The following TUB variants were observed in gnomAD, a reference collection of about 807,000 sequenced individuals.
TUB encodes the protein tubby protein homolog.
In TUB, 33 loss-of-function variants were observed where a neutral mutation model predicts 59.7. The observed-to-expected ratio is 0.55, with a 90% CI of 0.42 to 0.74. The LOEUF is 0.74. Ranked by LOEUF, TUB falls within the 30% of genes least tolerant of loss-of-function variation. The probability of loss-of-function intolerance (pLI) is 0.00; values close to 1 mark genes in which losing one functional copy is unlikely to be tolerated. For synonymous variants in TUB, 293 were observed against 256.4 expected, an observed-to-expected ratio of 1.14 and a Z score of -1.36; for missense variants, 659 against 672.0, an observed-to-expected ratio of 0.98 and a Z score of 0.21.
chr11:8,105,852 A>C lies in TUB; in HGVS notation c.*4233A>C, dbSNP rs953465537. ...AGCTGGAGATGAGGCTGAGATCCAG[A>C]GTTTCCTAGAACGCAACTTAGGATG... is the stretch of plus-strand genomic sequence containing the variant. On this transcript the variant is annotated 3_prime_UTR_variant, in exon 12 of 12. Coordinates refer to ENST00000299506, the MANE Select transcript of TUB (RefSeq NM_177972.3). 4 of 152,092 alleles carry C rather than the reference A, an allele frequency of 2.6e-5. No individual in the cohort carries two copies. The South Asian group carries it at 8.3e-4, about 32-fold the overall frequency. 9.4% of individuals were successfully genotyped at this position (152,092 alleles called of 1,614,324 possible).
chr11:8,039,015 C>T (rs777250476), exon 1 of TUB: 1 of 1,613,282 alleles, frequency 6.2e-7, no homozygotes, highest in South Asian at 1.1e-5. Context: ...GAAACGGGGC[C>T]ACCGAAGAGA....
At chr11:8,023,241 G>C (rs1251867918) in intron 1 of TUB, among the ~76,000 whole-genome samples, 2 of 152,200 alleles carry the variant, frequency 1.3e-5, no homozygotes, top group African/African-American at 4.8e-5. Context: ...ACATCACTCT[G>C]CTGCCTTGTA....
intron 1 of TUB, among the ~76,000 whole-genome samples, chr11:8,088,174 TC>T (rs1943703548): frequency 6.6e-6 from 1 of 152,180 alleles, no homozygotes; most frequent in Non-Finnish European, 1.5e-5. Context: ...GGAAAGACCT[TC>T]CCAGATGTCA....
chr11:8,091,073 C>T (rs989141976), intron 3 of TUB, among the ~76,000 whole-genome samples: 1 of 152,124 alleles, frequency 6.6e-6, no homozygotes, highest in Non-Finnish European at 1.5e-5. Context: ...CGTGGTGCTC[C>T]CCTCCTTCTG....
rs776620451 is a variant in TUB, at chr11:8,019,361, AG to A, written c.56+6del. 8 of 1,258,484 alleles carry A rather than the reference AG, an allele frequency of 6.4e-6. No homozygotes were observed. In the South Asian group the frequency reaches 2.6e-4, roughly 41 times the overall value. 78.0% of individuals were successfully genotyped at this position (1,258,484 alleles called of 1,614,324 possible). Reference sequence around the variant, plus strand: ...TACAGCCGCTGGAGCTATGACAGGTAGGGCGCCCGAAGGGTGGCCCTGCGTG... The same window carrying A: ...TACAGCCGCTGGAGCTATGACAGGTAGGCGCCCGAAGGGTGGCCCTGCGTG... On this transcript the variant is annotated splice_donor_region_variant and intron_variant, in intron 1 of 11. Transcript: ENST00000534099.
At chr11:8,087,643 T>C (rs948894667) in intron 1 of TUB, among the ~76,000 whole-genome samples, 1 of 152,284 alleles carries the variant, frequency 6.6e-6, no homozygotes, top group Non-Finnish European at 1.5e-5. Context: ...AAAGTTGTGA[T>C]GTGTATGCAC....
At chr11:8,066,500 C>T (rs1325156171) in intron 2 of TUB, among the ~76,000 whole-genome samples, 2 of 152,204 alleles carry the variant, frequency 1.3e-5, no homozygotes, top group African/African-American at 2.4e-5. Context: ...AAGTGATGAA[C>T]CTCGTTCTCT....
Position 8,090,062 on chromosome 11 carries a change from T to C in TUB, c.91-7T>C, listed in dbSNP as rs539616172. 38 of 1,594,108 alleles carry C rather than the reference T, an allele frequency of 2.4e-5. No homozygotes were observed. In the African/African-American group the frequency reaches 4.6e-4, roughly 19 times the overall value. ...CAGTGGGTCAGCCAACCTCTGTGCC[T>C]CCATAGCGGGCCCTGCTGGAGCAGA... On this transcript the variant is annotated splice_region_variant and splice_polypyrimidine_tract_variant and intron_variant, in intron 2 of 11. Coordinates refer to ENST00000299506, the MANE Select transcript of TUB (RefSeq NM_177972.3).
At chr11:8,019,247 C>A in exon 1 of TUB, 2 of 1,237,046 alleles carry the variant, frequency 1.6e-6, no homozygotes, top group Non-Finnish European at 2.0e-6. Flanking sequence ...TGCGAGCCAG[C>A]CCCAAGCCCA....
intron 2 of TUB, among the ~76,000 whole-genome samples, chr11:8,050,650 T>C (rs1428462118): frequency 6.6e-6 from 1 of 152,238 alleles, no homozygotes; most frequent in Non-Finnish European, 1.5e-5. Context: ...ATTCATTTTT[T>C]TTAAAAAAGT....
intron 11 of TUB, 24 bp from the exon 12 acceptor site, chr11:8,101,460 CTG>C: frequency 9.7e-7 from 1 of 1,028,946 alleles, no homozygotes; most frequent in Non-Finnish European, 1.3e-6. Flanking sequence ...GTCCTTTTCT[CTG>C]TCTGTGCCTG....
intron 2 of TUB, among the ~76,000 whole-genome samples, chr11:8,041,602 T>C (rs1477717819): frequency 6.6e-6 from 1 of 152,192 alleles, no homozygotes; most frequent in Non-Finnish European, 1.5e-5. Context: ...TTAATCTTTG[T>C]GTACCTCGTA....
chr11:8,047,233 C>T (rs1049172215), intron 2 of TUB, among the ~76,000 whole-genome samples: 2 of 152,158 alleles, frequency 1.3e-5, no homozygotes, highest in Admixed American at 6.5e-5. Context: ...AGTGCTCTTC[C>T]CTGTCTTCAC....
intron 1 of TUB, chr11:8,019,447 C>G (rs1942385414): frequency 5.0e-6 from 6 of 1,200,840 alleles, no homozygotes; most frequent in Non-Finnish European, 5.2e-6. Context: ...CTAGGACTGG[C>G]GCGAGCGCCC....
At chr11:8,085,357 A>T (rs1389779006) in intron 1 of TUB, among the ~76,000 whole-genome samples, 1 of 152,190 alleles carries the variant, frequency 6.6e-6, no homozygotes, top group Non-Finnish European at 1.5e-5. Context: ...GTTTGAATGC[A>T]CCTGATACAT....
chr11:8,090,335 G>C (rs1943748710), intron 3 of TUB, 104 bp downstream of exon 3: 1 of 1,436,670 alleles, frequency 7.0e-7, no homozygotes, highest in Admixed American at 2.3e-5. Flanking sequence ...GGATGCCCAG[G>C]CTGTGTATGG....
chr11:8,039,413 T>C (rs1440472701), intron 1 of TUB: 2 of 465,458 alleles, frequency 4.3e-6, no homozygotes, highest in Non-Finnish European at 7.5e-6. Context: ...GCTCAGGTCA[T>C]CACTGCCCTC....
intron 1 of TUB, among the ~76,000 whole-genome samples, chr11:8,039,245 C>T (rs1368491605): frequency 6.6e-6 from 1 of 152,144 alleles, no homozygotes; most frequent in Admixed American, 6.5e-5. Flanking sequence ...CCAGGAGCTG[C>T]CCAGGACCTC....
chr11:8,086,790 C>T lies in TUB; in HGVS notation c.39-2820C>T, dbSNP rs544057548. ...TTCCTTCTGTGTGCTTGCACATGCC[C>T]GCTGGTGGGTGAGGTGGTAGGTGGC... On this transcript the variant is annotated intron_variant, in intron 1 of 11. Coordinates refer to ENST00000299506, the MANE Select transcript of TUB (RefSeq NM_177972.3). Among the ~76,000 whole-genome samples, 313 of 152,224 alleles carry T rather than the reference C, an allele frequency of 2.1e-3. 2 individuals are homozygous for T. The highest frequency in any genetic ancestry group is 2.4e-3 in the Non-Finnish European group (160 of 68,006).
Sources: allele counts gnomAD v4.1 joint callset (sites outside exome capture counted in the v4.1 genomes callset), GRCh38; gene constraint gnomAD v4.1.1; transcripts MANE v1.5; gene names NCBI Gene and HGNC (gene_info 2026-07-23, HGNC 2026-07-21).